The following CTNNA2 variants were observed in gnomAD, a reference collection of about 807,000 sequenced individuals.
The protein encoded by CTNNA2 is catenin alpha 2.
A neutral mutation model predicts 101.0 loss-of-function variants in CTNNA2; 42 were observed. That is an observed-to-expected ratio of 0.42 (90% CI 0.32 to 0.54). CTNNA2 has a LOEUF of 0.54. Ranked by LOEUF, CTNNA2 falls within the 20% of genes least tolerant of loss-of-function variation. The pLI, the probability that CTNNA2 is intolerant of heterozygous loss-of-function variation, is 0.14. For synonymous variants in CTNNA2, 450 were observed against 456.4 expected (o/e 0.99, Z 0.18); for missense variants, 871 against 1,223.1 (o/e 0.71, Z 4.29).
chr2:80,306,747 A>G (rs540021386), intron 7 of CTNNA2, among the ~76,000 whole-genome samples: 45 of 152,088 alleles, frequency 3.0e-4, no homozygotes, highest in Non-Finnish European at 4.1e-4. Flanking sequence ...GCGGCCAGCC[A>G]TTCAGCGAGT....
chr2:79,992,111 C>T lies in CTNNA2; in HGVS notation c.1056+82314C>T, dbSNP rs1008820148. On this transcript the variant is annotated intron_variant, in intron 7 of 18. Transcript: ENST00000402739. Reference sequence around the variant, plus strand: ...AATTCAATGATTTTCAGCAGACTTTCCTAAGATAATAATGTAATTTATCTT... The same window carrying T: ...AATTCAATGATTTTCAGCAGACTTTTCTAAGATAATAATGTAATTTATCTT... Among the ~76,000 whole-genome samples the T allele has an allele frequency of 2.6e-5, 4 of 152,174 alleles. No homozygotes were observed. In the East Asian group the frequency reaches 7.7e-4, roughly 29 times the overall value.
intron 2 of CTNNA2, among the ~76,000 whole-genome samples, chr2:79,287,204 C>T (rs1675625048): frequency 6.6e-6 from 1 of 152,140 alleles, no homozygotes; most frequent in African/African-American, 2.4e-5. Flanking sequence ...GTTTGAATGT[C>T]CTCCCGTAGC....
rs1022346638 is a variant in CTNNA2, at chr2:79,189,093, A to G, written c.-524+3662A>G. On this transcript the variant is annotated intron_variant, in intron 1 of 21. Transcript: ENST00000466387. ...TCTAGGTGTTCTGAGAAACTCAAGC[A>G]TCAAGATGCTGGTTAGACCCACGTT... 7.9e-5 allele frequency among the ~76,000 whole-genome samples: 12 copies of G among 152,348 alleles called. No homozygotes were observed. The South Asian group carries it at 1.2e-3, about 16-fold the overall frequency.
chr2:79,325,525 A>G (rs1329104295), intron 3 of CTNNA2, among the ~76,000 whole-genome samples: 2 of 152,228 alleles, frequency 1.3e-5, no homozygotes. Context: ...GTGGCTTATA[A>G]AACAAGATAG....
chr2:80,252,277 T>C (rs2149108265), intron 7 of CTNNA2, among the ~76,000 whole-genome samples: 1 of 152,326 alleles, frequency 6.6e-6, no homozygotes, highest in East Asian at 1.9e-4. Context: ...TCTGGATTAC[T>C]AAACTCTGAG....
intron 1 of CTNNA2, among the ~76,000 whole-genome samples, chr2:79,595,847 G>GGC (rs1677155972): frequency 1.3e-5 from 2 of 151,308 alleles, no homozygotes; most frequent in Admixed American, 6.6e-5. Context: ...AAACTTTTTA[G>GGC]ATGGTTTCCA....
intron 9 of CTNNA2, among the ~76,000 whole-genome samples, chr2:80,422,442 T>C (rs1324945301): frequency 6.7e-6 from 1 of 149,008 alleles, no homozygotes; most frequent in Non-Finnish European, 1.5e-5. Flanking sequence ...ATAGTTTGTT[T>C]TTTTTTTTTT....
chr2:79,886,750 CAAAAAAA>C (rs1168632966), intron 6 of CTNNA2, among the ~76,000 whole-genome samples: 1 of 23,238 alleles, frequency 4.3e-5, no homozygotes, highest in African/African-American at 1.9e-4. Flanking sequence ...GACTCCATCT[CAAAAAAA>C]AAAAAAAAAA....
At chr2:80,180,713 GACCC>G (rs1259933724) in intron 7 of CTNNA2, among the ~76,000 whole-genome samples, 2 of 152,062 alleles carry the variant, frequency 1.3e-5, no homozygotes, top group East Asian at 3.9e-4. Context: ...ATATCTTCTG[GACCC>G]TCCCAGCTAA....
At position 80,454,528 on chromosome 2, in the gene CTNNA2, C is replaced by G. The variant is rs574453549; in HGVS notation, c.1290+34927C>G. Among the ~76,000 whole-genome samples the G allele has an allele frequency of 5.3e-5, 8 of 152,272 alleles. No homozygotes were observed. In the East Asian group the frequency reaches 1.5e-3, roughly 29 times the overall value. On this transcript the variant is annotated intron_variant, in intron 9 of 18. Transcript: ENST00000402739. Reference sequence around the variant, plus strand: ...CATTTAATACTACTATTCATGAATCCCTTGTCCTTGAACGTGTTCAAATGT... The same window carrying G: ...CATTTAATACTACTATTCATGAATCGCTTGTCCTTGAACGTGTTCAAATGT...
Position 79,928,324 on chromosome 2 carries a change from A to G in CTNNA2, c.1056+18527A>G, listed in dbSNP as rs1047712576. Among the ~76,000 whole-genome samples, 12 of 152,282 alleles carry G rather than the reference A, an allele frequency of 7.9e-5. No individual in the cohort carries two copies. In the East Asian group the frequency reaches 1.9e-3, roughly 24 times the overall value. On this transcript the variant is annotated intron_variant, in intron 7 of 18. Transcript: ENST00000402739. ...TATTTCTATTATTCAACTGTGTTCA[A>G]ATATTTATTTGGTATCCATTTTATA... is the stretch of plus-strand genomic sequence containing the variant.
At chr2:79,261,765 A>G (rs969537883) in intron 2 of CTNNA2, among the ~76,000 whole-genome samples, 1 of 152,236 alleles carries the variant, frequency 6.6e-6, no homozygotes, top group Non-Finnish European at 1.5e-5. Flanking sequence ...CAGTCACATC[A>G]GGGATTCAGG....
chr2:79,786,596 C>G (rs1308613272), intron 3 of CTNNA2, among the ~76,000 whole-genome samples: 1 of 152,038 alleles, frequency 6.6e-6, no homozygotes, highest in East Asian at 1.9e-4. Flanking sequence ...AGTAGACTCT[C>G]CTCAGGTACG....
chr2:79,544,091 C>A (rs944960811), intron 1 of CTNNA2, among the ~76,000 whole-genome samples: 4 of 152,116 alleles, frequency 2.6e-5, no homozygotes, highest in African/African-American at 7.2e-5. Context: ...GCGTGCGCCA[C>A]CACACTGGGC....
At chr2:79,671,393 C>G (rs1419342072) in intron 2 of CTNNA2, among the ~76,000 whole-genome samples, 1 of 152,180 alleles carries the variant, frequency 6.6e-6, no homozygotes, top group Non-Finnish European at 1.5e-5. Flanking sequence ...CTCTGCCTCT[C>G]AAGCCTGCCT....
At chr2:80,106,926 A>T (rs955252502) in intron 7 of CTNNA2, among the ~76,000 whole-genome samples, 1 of 152,128 alleles carries the variant, frequency 6.6e-6, no homozygotes, top group Admixed American at 6.5e-5. Context: ...GTTACTTCTC[A>T]TTCCCTATTT....
chr2:79,310,443 C>G (rs1676340818), intron 2 of CTNNA2, among the ~76,000 whole-genome samples: 1 of 152,162 alleles, frequency 6.6e-6, no homozygotes, highest in Admixed American at 6.5e-5. Flanking sequence ...ATTTAAACCA[C>G]TCTTATGTTT....
chr2:80,024,386 C>T (rs1694795857), intron 7 of CTNNA2, among the ~76,000 whole-genome samples: 1 of 152,138 alleles, frequency 6.6e-6, no homozygotes, highest in Admixed American at 6.6e-5. Context: ...GATTACACTG[C>T]ATTGAGTCTT....
At chr2:80,151,421 T>C (rs1441256632) in intron 7 of CTNNA2, among the ~76,000 whole-genome samples, 1 of 152,224 alleles carries the variant, frequency 6.6e-6, no homozygotes, top group African/African-American at 2.4e-5. Flanking sequence ...TTGCTTCTCT[T>C]TGAGGCTTGA....
Sources: gnomAD v4.1 joint callset for allele counts (sites outside exome capture counted in the v4.1 genomes callset) on GRCh38, gnomAD v4.1.1 for gene constraint, MANE v1.5 for transcripts, NCBI Gene and HGNC (gene_info 2026-07-23, HGNC 2026-07-21) for gene names.